The following NUP214 variants were observed in gnomAD, a reference collection of about 807,000 sequenced individuals.
NUP214 encodes nuclear pore complex protein Nup214.
Under a neutral mutation model 196.2 loss-of-function variants are expected in NUP214, and 79 were observed. The observed-to-expected ratio is 0.40, with a 90% CI of 0.34 to 0.49. NUP214 has a LOEUF of 0.49. Among genes scored for constraint, NUP214 ranks in the 20% least tolerant of loss-of-function variants. NUP214 has a pLI of 0.58. For synonymous variants in NUP214, 1,020 were observed against 990.5 expected (o/e 1.03, Z -0.56); for missense variants, 2,468 against 2,539.0 (o/e 0.97, Z 0.60).
In NUP214 at chr9:131,150,579, T is replaced by G. The variant is rs1038278436; in HGVS notation, c.2128-37T>G. On this transcript the variant is annotated intron_variant, in intron 15 of 35. Coordinates refer to ENST00000359428, the MANE Select transcript of NUP214 (RefSeq NM_005085.4). Reference sequence around the variant, plus strand: ...ATAGCAGTGACATTACTGTTTGTCCTTCAGACTGAGTAGTTCCTCACTTGT... The same window carrying G: ...ATAGCAGTGACATTACTGTTTGTCCGTCAGACTGAGTAGTTCCTCACTTGT... 6 of 1,605,930 alleles carry G rather than the reference T, an allele frequency of 3.7e-6. 1 individual carries two copies. Among genetic ancestry groups the G allele is most frequent in the Non-Finnish European group, 4.3e-6 (5 of 1,176,312 alleles).
At chr9:131,155,518 T>C (rs1427628561) in intron 17 of NUP214, among the ~76,000 whole-genome samples, 1 of 152,244 alleles carries the variant, frequency 6.6e-6, no homozygotes, top group African/African-American at 2.4e-5. Flanking sequence ...TTTTGTTGCA[T>C]TCGCTTTTGG....
intron 18 of NUP214, among the ~76,000 whole-genome samples, chr9:131,162,630 A>C (rs1340329378): frequency 6.6e-6 from 1 of 152,032 alleles, no homozygotes; most frequent in Non-Finnish European, 1.5e-5. Flanking sequence ...TATAATTTAC[A>C]TTCAGAAAAA....
rs138786552 is a variant in NUP214, at chr9:131,163,148, G to C, written c.2698G>C (p.Val900Leu). 31 of 1,612,710 alleles carry C rather than the reference G, an allele frequency of 1.9e-5. No homozygotes were observed. In the African/African-American group the frequency reaches 4.0e-4, roughly 21 times the overall value. The change falls in exon 19 of 36, where the codon GTT becomes CTT. Residue 900 changes from valine to leucine, a missense_variant. Around this residue, in one of 5 missense-constraint regions of NUP214, gnomAD observed 1,801 missense variants for 1,779.4 expected, o/e 1.01. Transcript: ENST00000359428. ...TTCCCTGTGGAGCCTGTCCTCGGCTGTTCCTTCCCAGAGCAGCATTCACAG... is the reference window on the plus strand; with the variant it reads ...TTCCCTGTGGAGCCTGTCCTCGGCTCTTCCTTCCCAGAGCAGCATTCACAG... ...QTSLWSLSSA[V>L]PSQSSIHSFD...
At chr9:131,193,504 T>C (rs748348275) in intron 27 of NUP214, among the ~76,000 whole-genome samples, 11 of 152,042 alleles carry the variant, frequency 7.2e-5, no homozygotes, top group South Asian at 4.1e-4. Context: ...TAAATCATTA[T>C]GTTTTATGCT....
At chr9:131,184,052 A>G (rs894783623) in intron 24 of NUP214, among the ~76,000 whole-genome samples, 2 of 62,416 alleles carry the variant, frequency 3.2e-5, no homozygotes, top group Admixed American at 2.4e-4. Context: ...TTTTTTTGAG[A>G]TGGAGTCTCG....
rs1454132101 is a variant in NUP214 at position 131,163,000 on chromosome 9, T to C, written c.2550T>C (p.Leu850=). The C allele has an allele frequency of 6.2e-7, 1 of 1,614,096 alleles. No homozygotes were observed. The highest frequency in any genetic ancestry group is 8.5e-7 in the Non-Finnish European group (1 of 1,179,966). ...LEQKKKQRHL[L]VPERETLFNT... ...TCATTGTTGTCAACAGGCACCTGCT[T>C]GTGCCAGAGCGAGAGACACTGTTTA... The change falls in exon 19 of 36, where the codon CTT becomes CTC. Residue 850 remains leucine, a synonymous_variant. Coordinates refer to ENST00000359428, the MANE Select transcript of NUP214 (RefSeq NM_005085.4).
chr9:131,188,961 A>T, intron 25 of NUP214, 92 bp from the exon 26 acceptor site: 1 of 903,190 alleles, frequency 1.1e-6, no homozygotes, highest in Non-Finnish European at 1.8e-6. Flanking sequence ...CTTATTTTAA[A>T]TTATATTTTT....
At chr9:131,196,054 A>G (rs946622344) in intron 28 of NUP214, among the ~76,000 whole-genome samples, 6 of 77,026 alleles carry the variant, frequency 7.8e-5, no homozygotes, top group African/African-American at 2.8e-4. Context: ...CAAAAAATCC[A>G]TCAATAGCAT....
chr9:131,149,947 C>T (rs1423623101), intron 14 of NUP214: 1 of 160,076 alleles, frequency 6.2e-6, no homozygotes, highest in Non-Finnish European at 1.4e-5. Flanking sequence ...CTGCTTGCAG[C>T]CTCCGTTCAG....
chr9:131,194,247 C>T (rs950807471), intron 27 of NUP214: 1 of 149,150 alleles, frequency 6.7e-6, no homozygotes, highest in Non-Finnish European at 1.5e-5. Flanking sequence ...TGGCTCACTA[C>T]AACCTCCACC....
At chr9:131,180,353 CCA>C (rs1422735563) in intron 24 of NUP214, among the ~76,000 whole-genome samples, 2 of 152,244 alleles carry the variant, frequency 1.3e-5, no homozygotes, top group East Asian at 3.9e-4. Flanking sequence ...GTGTTTACTG[CCA>C]CCCCTCCCCA....
intron 1 of NUP214, chr9:131,127,085 T>C (rs1831380676): frequency 6.5e-6 from 1 of 154,206 alleles, no homozygotes; most frequent in African/African-American, 2.4e-5. Flanking sequence ...AAGTGTTCCA[T>C]ATCAGAAAAA....
chr9:131,145,590 A>G (rs1034129974), intron 12 of NUP214, among the ~76,000 whole-genome samples: 2 of 152,236 alleles, frequency 1.3e-5, no homozygotes, highest in Non-Finnish European at 2.9e-5. Flanking sequence ...TTATCTGACC[A>G]GTCATCTAAT....
At chr9:131,128,939 G>GCTCAGAGTTTAAGTAACTGT in intron 3 of NUP214, 1 of 342,694 alleles carries the variant, frequency 2.9e-6, no homozygotes, top group Non-Finnish European at 5.5e-6. Flanking sequence ...AGAGAAACAG[G>GCTCAGAGTTTAAGTAACTGT]CTCAGAGTTT....
At position 131,192,305 on chromosome 9, in the gene NUP214, C is replaced by A. The variant is rs1369379502; in HGVS notation, c.3659+13C>A. ...TTTCTCCATCAGGGTCAGTAATGAA[C>A]TTAAGTTTTATGGCAAATTACTAGC... On this transcript the variant is annotated intron_variant, in intron 27 of 35. Transcript: ENST00000359428. 6.8e-6 allele frequency: 10 copies of A among 1,476,794 alleles called. No homozygotes were observed. The highest frequency in any genetic ancestry group is 1.4e-5 in the African/African-American group (1 of 69,538). 91.5% of individuals were successfully genotyped at this position (1,476,794 alleles called of 1,614,324 possible).
At position 131,174,064 on chromosome 9, in the gene NUP214, C is replaced by T; in HGVS notation, c.2903C>T (p.Ser968Phe). Residue 968 changes from serine to phenylalanine, a missense_variant, in exon 22 of 36, where the codon TCT becomes TTT. By Grantham distance (155) the Ser-to-Phe change is radical. Transcript: ENST00000359428. ...TTTGGGGCTTTTGTAGCCAGCCTGT[C>T]TCGATCAGCCTTTCTGTCTCAGAGA... ...PVRSTAPASLSRSAFLSQRYY... is the reference protein window; with the variant it reads ...PVRSTAPASLFRSAFLSQRYY... The T allele has an allele frequency of 1.2e-6, 2 of 1,612,192 alleles. No homozygotes were observed. The highest frequency in any genetic ancestry group is 1.7e-6 in the Non-Finnish European group (2 of 1,179,380).
Position 131,222,826 on chromosome 9 carries a change from T to A in NUP214, c.5798T>A (p.Phe1933Tyr), listed in dbSNP as rs1276595362. Residue 1933 changes from phenylalanine (F) to tyrosine (Y), a missense_variant, in exon 32 of 36, where the codon TTT (phenylalanine) becomes TAT (tyrosine). Around this residue, in one of 5 missense-constraint regions of NUP214, gnomAD observed 262 missense variants for 296.5 expected, o/e 0.88. Coordinates refer to ENST00000359428, the MANE Select transcript of NUP214 (RefSeq NM_005085.4). ...AGTGGGGCCAAGACATTTGGTGGAT[T>A]TGCCAGCTCGTCGTTTGGAGAGCAG... The part of the protein sequence containing the change: ...GNSGAKTFGG[F>Y]ASSSFGEQKP... 2 of 1,614,226 alleles carry A rather than the reference T, an allele frequency of 1.2e-6. No individual in the cohort carries two copies. The highest frequency in any genetic ancestry group is 8.5e-7 in the Non-Finnish European group (1 of 1,180,042).
At position 131,201,632 on chromosome 9, in the gene NUP214, C is replaced by A. The variant is rs1312055107; in HGVS notation, c.5522-15C>A. On this transcript the variant is annotated splice_polypyrimidine_tract_variant and intron_variant, in intron 29 of 35. Coordinates refer to ENST00000359428, the MANE Select transcript of NUP214 (RefSeq NM_005085.4). ...CCAATCCAAATTGAATTTTTGTTTTCTTTGTATTTTACAGGTTTTGGGTCT... is the reference window on the plus strand; with the variant it reads ...CCAATCCAAATTGAATTTTTGTTTTATTTGTATTTTACAGGTTTTGGGTCT... 2 of 1,604,792 alleles carry A rather than the reference C, an allele frequency of 1.2e-6. No homozygotes were observed. Among genetic ancestry groups the A allele is most frequent in the African/African-American group, 1.3e-5 (1 of 74,558 alleles).
At position 131,146,608 on chromosome 9, in the gene NUP214, C is replaced by T. The variant is rs934376452; in HGVS notation, c.1945+304C>T. ...GCCTGCCCTCCATGAAGAGCAGTTACATAACAGTTCTTTAAGAAGCACAGG... is the reference window on the plus strand; with the variant it reads ...GCCTGCCCTCCATGAAGAGCAGTTATATAACAGTTCTTTAAGAAGCACAGG... On this transcript the variant is annotated intron_variant, in intron 13 of 35. Coordinates refer to ENST00000359428, the MANE Select transcript of NUP214 (RefSeq NM_005085.4). This position sits in a 1 kb window ranked among gnomAD's most constrained non-coding sequence, Gnocchi z 4.6. Among the ~76,000 whole-genome samples the T allele has an allele frequency of 6.6e-6, 1 of 152,152 alleles. No individual in the cohort carries two copies. The highest frequency in any genetic ancestry group is 2.4e-5 in the African/African-American group (1 of 41,432).
Sources: allele counts gnomAD v4.1 joint callset (sites outside exome capture counted in the v4.1 genomes callset), GRCh38; gene constraint gnomAD v4.1.1; regional missense constraint gnomAD v4.1.1; non-coding constraint Gnocchi (gnomAD v3.1); transcripts MANE v1.5; gene names NCBI Gene and HGNC (gene_info 2026-07-23, HGNC 2026-07-21).